Variants in SCN8A observed in about 807,000 individuals in gnomAD.
The protein encoded by SCN8A is sodium channel protein type 8 subunit alpha.
SCN8A carries 30 observed loss-of-function variants against 184.1 expected under a neutral mutation model. That is an observed-to-expected ratio of 0.16 (90% CI 0.12 to 0.22). SCN8A has a LOEUF of 0.22. Ranked by LOEUF, SCN8A falls within the 10% of genes least tolerant of loss-of-function variation. The pLI, the probability that SCN8A is intolerant of heterozygous loss-of-function variation, is 1.00. For missense variants in SCN8A, 1,057 were observed against 2,498.9 expected (o/e 0.42, Z 12.30); for synonymous variants, 852 against 907.0 (o/e 0.94, Z 1.09).
intron 11 of SCN8A, among the ~76,000 whole-genome samples, chr12:51,709,372 G>A (rs1941835667): frequency 6.6e-6 from 1 of 152,228 alleles, no homozygotes; most frequent in Admixed American, 6.5e-5. Context: ...CCAAAGGCAT[G>A]ACCATTGCTG....
At chr12:51,788,465 C>G (rs1414417251) in intron 22 of SCN8A, 3 of 337,770 alleles carry the variant, frequency 8.9e-6, no homozygotes, top group Non-Finnish European at 1.1e-5. Context: ...AAGCCTTAAT[C>G]CCATTACCAT....
chr12:51,622,609 A>C (rs1296538190), intron 1 of SCN8A, among the ~76,000 whole-genome samples: 1 of 152,228 alleles, frequency 6.6e-6, no homozygotes, highest in Non-Finnish European at 1.5e-5. Context: ...TGCCTTCCTC[A>C]TATCATATTG....
At position 51,811,107 on chromosome 12, in the gene SCN8A, GA is replaced by G. The variant is rs1341627690; in HGVS notation, c.*3680del. On this transcript the variant is annotated 3_prime_UTR_variant, in exon 27 of 27. Coordinates refer to ENST00000627620, the MANE Select transcript of SCN8A (RefSeq NM_001330260.2). ...AAATGACCCTTTTTACTGTACAAGG[GA>G]AGCCTGTCTTGGTGTGTTTGTTGCT... The G allele has an allele frequency of 6.6e-6, 1 of 152,170 alleles. No homozygotes were observed. Among genetic ancestry groups the G allele is most frequent in the Non-Finnish European group, 1.5e-5 (1 of 68,050 alleles). The allele number at this position is 152,170 out of a possible 1,614,324, so 9.4% of individuals were successfully genotyped here. A position where few individuals can be genotyped will look rare whatever the true frequency, so the allele number is the denominator to read the frequency against.
At chr12:51,640,622 G>A (rs547466193) in intron 1 of SCN8A, among the ~76,000 whole-genome samples, 3 of 152,246 alleles carry the variant, frequency 2.0e-5, no homozygotes, top group African/African-American at 4.8e-5. Context: ...AGCAGAGAAC[G>A]TCTATTAATA....
chr12:51,724,840 G>A (rs1252716732), intron 12 of SCN8A, among the ~76,000 whole-genome samples: 2 of 152,208 alleles, frequency 1.3e-5, no homozygotes, highest in Non-Finnish European at 2.9e-5. Flanking sequence ...AGATGATCAG[G>A]TTTAGGGGTT....
At chr12:51,773,439 A>G (rs912064743) in intron 19 of SCN8A, among the ~76,000 whole-genome samples, 5 of 152,248 alleles carry the variant, frequency 3.3e-5, no homozygotes, top group Non-Finnish European at 2.9e-5. Flanking sequence ...TCCCACCTGT[A>G]TGACCCTCCA....
chr12:51,633,921 A>G (rs1310289602), intron 1 of SCN8A, among the ~76,000 whole-genome samples: 2 of 152,250 alleles, frequency 1.3e-5, no homozygotes, highest in East Asian at 3.8e-4. Flanking sequence ...TGTTGAAATC[A>G]AACACATCCT....
chr12:51,738,652 C>T (rs909070387), intron 12 of SCN8A, among the ~76,000 whole-genome samples: 9 of 152,206 alleles, frequency 5.9e-5, no homozygotes, highest in Non-Finnish European at 7.3e-5. Flanking sequence ...CTGTGCTATG[C>T]GCTCTCCTGG....
chr12:51,788,278 G>A (rs1427107864), intron 22 of SCN8A, among the ~76,000 whole-genome samples: 5 of 126,482 alleles, frequency 4.0e-5, no homozygotes, highest in South Asian at 2.5e-4. Flanking sequence ...AACCCCCATC[G>A]CTTAACACCT....
At chr12:51,780,594 T>TAAA in intron 20 of SCN8A, 55 bp from the exon 21 acceptor site, 1 of 340,854 alleles carries the variant, frequency 2.9e-6, no homozygotes, top group Non-Finnish European at 4.9e-6. Flanking sequence ...TTTTTTTTTT[T>TAAA]TTTTTTTTTT....
chr12:51,619,463 C>T (rs1042254595), intron 1 of SCN8A, among the ~76,000 whole-genome samples: 3 of 152,258 alleles, frequency 2.0e-5, no homozygotes, highest in Middle Eastern at 3.4e-3. Flanking sequence ...GATGTGTGTC[C>T]ATTTAAAACT....
intron 17 of SCN8A, among the ~76,000 whole-genome samples, chr12:51,769,536 C>T (rs1455600400): frequency 6.6e-6 from 1 of 152,144 alleles, no homozygotes; most frequent in Non-Finnish European, 1.5e-5. Context: ...CTGGACCCAC[C>T]TGTGTCACTT....
In SCN8A at chr12:51,591,727, C is replaced by T. The variant is rs1592314701; in HGVS notation, c.-55+368C>T. Among the ~76,000 whole-genome samples, 5 of 152,250 alleles carry T rather than the reference C, an allele frequency of 3.3e-5. No homozygotes were observed. The South Asian group carries it at 1.0e-3, about 32-fold the overall frequency. ...CTCAGTGCCGGGCAGAGTTGGGGCCCCTAGCCGGCTTGCACTGGGAAGGGC... is the reference window on the plus strand; with the variant it reads ...CTCAGTGCCGGGCAGAGTTGGGGCCTCTAGCCGGCTTGCACTGGGAAGGGC... On this transcript the variant is annotated intron_variant, in intron 1 of 26. Transcript: ENST00000627620.
At chr12:51,601,892 A>G (rs1330303545) in intron 1 of SCN8A, among the ~76,000 whole-genome samples, 1 of 134,838 alleles carries the variant, frequency 7.4e-6, no homozygotes, top group Admixed American at 7.9e-5. Context: ...AGAGCAATGC[A>G]TTTAATACTC....
chr12:51,671,677 T>A (rs2138686133), intron 2 of SCN8A, among the ~76,000 whole-genome samples: 1 of 152,366 alleles, frequency 6.6e-6, no homozygotes, highest in African/African-American at 2.4e-5. Context: ...GCTTTCTTAG[T>A]TAAGGAGAGA....
At chr12:51,787,130 C>T (rs1276564035) in intron 22 of SCN8A, among the ~76,000 whole-genome samples, 3 of 152,124 alleles carry the variant, frequency 2.0e-5, no homozygotes, top group Non-Finnish European at 4.4e-5. Context: ...CCTTCCCGGT[C>T]AGAGAGTGCA....
At chr12:51,663,328 G>C (rs903419064) in intron 2 of SCN8A, among the ~76,000 whole-genome samples, 2 of 151,956 alleles carry the variant, frequency 1.3e-5, no homozygotes, top group African/African-American at 4.8e-5. Flanking sequence ...GGCCAGATCA[G>C]AAAAAGGGGA....
intron 12 of SCN8A, among the ~76,000 whole-genome samples, chr12:51,725,253 T>G (rs1942138779): frequency 6.6e-6 from 1 of 152,190 alleles, no homozygotes; most frequent in Non-Finnish European, 1.5e-5. Context: ...CTAAGTTACA[T>G]TAATAGGCCC....
At chr12:51,751,241 C>T in intron 13 of SCN8A, 114 bp from the exon 14 acceptor site, 1 of 751,452 alleles carries the variant, frequency 1.3e-6, no homozygotes, top group South Asian at 1.8e-5. Flanking sequence ...TGTCAGCGCT[C>T]AAAACAACCT....
Sources: gnomAD v4.1 joint callset for allele counts (sites outside exome capture counted in the v4.1 genomes callset) on GRCh38, gnomAD v4.1.1 for gene constraint, MANE v1.5 for transcripts, NCBI Gene and HGNC (gene_info 2026-07-23, HGNC 2026-07-21) for gene names.